ABCA13: variants seen among roughly 807,000 people sequenced by gnomAD.
ABCA13 encodes the protein ATP-binding cassette sub-family A member 13.
ABCA13 carries 476 observed loss-of-function variants against 478.7 expected under a neutral mutation model. The ratio of observed to expected loss-of-function variants is 0.99; its 90% confidence interval spans 0.92 to 1.07. ABCA13 has a LOEUF of 1.07. Ranked by LOEUF, ABCA13 falls within the 50% of genes least tolerant of loss-of-function variation. The pLI is 0.00. For synonymous variants in ABCA13, 2,252 were observed against 2,158.9 expected, an observed-to-expected ratio of 1.04 and a Z score of -1.20; for missense variants, 6,060 against 5,910.6, an observed-to-expected ratio of 1.03 and a Z score of -0.83.
intron 55 of ABCA13, among the ~76,000 whole-genome samples, chr7:48,543,916 A>G (rs1013876987): frequency 4.0e-5 from 6 of 151,876 alleles, no homozygotes; most frequent in African/African-American, 1.4e-4. Context: ...TACTTGGGCT[A>G]ATAATTTTCC....
rs1833574478 is a variant in ABCA13, at chr7:48,536,272, A to G, written c.14354+7927A>G. Among the ~76,000 whole-genome samples the G allele has an allele frequency of 2.0e-5, 3 of 152,348 alleles. No individual in the cohort carries two copies. In the South Asian group the frequency reaches 6.2e-4, roughly 32 times the overall value. ...TTCTATTTATGAAATGATGGATTGAAAATTATCTACAAATTTTCATCTAAT... is the reference window on the plus strand; with the variant it reads ...TTCTATTTATGAAATGATGGATTGAGAATTATCTACAAATTTTCATCTAAT... On this transcript the variant is annotated intron_variant, in intron 55 of 61. Transcript: ENST00000435803.
intron 27 of ABCA13, among the ~76,000 whole-genome samples, chr7:48,326,811 C>T (rs1804397292): frequency 6.6e-6 from 1 of 152,152 alleles, no homozygotes; most frequent in African/African-American, 2.4e-5. Context: ...GATGTGGAGT[C>T]CCAGTGACAA....
Position 48,403,781 on chromosome 7 carries a change from T to G in ABCA13, c.11972T>G (p.Met3991Arg). 6.2e-7 allele frequency: 1 copy of G among 1,614,020 alleles called. No homozygotes were observed. The highest frequency in any genetic ancestry group is 8.5e-7 in the Non-Finnish European group (1 of 1,179,884). Residue 3991 changes from methionine (M) to arginine (R), a missense_variant, in exon 39 of 62, where the codon ATG becomes AGG. Physicochemically the swap from Met to Arg is moderately conservative, Grantham distance 91. This residue lies in a region of ABCA13 where 1,627 missense variants were observed against 1,571.0 expected (regional missense o/e 1.04). Transcript: ENST00000435803. ...KRKLSLGIAF[M>R]GMSRTVVLDE... ...AAGCTCTCCCTTGGCATTGCTTTCA[T>G]GGGCATGTCGAGGACCGTGGTTCTG...
chr7:48,239,511 C>T, intron 9 of ABCA13, 106 bp downstream of exon 9: 1 of 1,352,962 alleles, frequency 7.4e-7, no homozygotes, highest in Non-Finnish European at 9.8e-7. Context: ...TTTTATGTCC[C>T]TCCAAGGAAA....
chr7:48,447,830 GCTCCA>G (rs1166247030), intron 42 of ABCA13, among the ~76,000 whole-genome samples: 1 of 152,122 alleles, frequency 6.6e-6, no homozygotes, highest in Non-Finnish European at 1.5e-5. Flanking sequence ...TTTAAATTAA[GCTCCA>G]CTCTTTCTGG....
chr7:48,595,875 C>T (rs1446831339), intron 58 of ABCA13, among the ~76,000 whole-genome samples: 5 of 152,102 alleles, frequency 3.3e-5, no homozygotes, highest in Non-Finnish European at 5.9e-5. Context: ...TGGCAAGACA[C>T]GTAGGAACAC....
At position 48,278,070 on chromosome 7, in the gene ABCA13, G is replaced by GTATATA. The variant is rs59259655; in HGVS notation, c.6900-12_6900-7dup. 6.5e-3 allele frequency: 5,001 copies of GTATATA among 767,698 alleles called. 22 individuals carry two copies. The highest frequency in any genetic ancestry group is 0.026 in the African/African-American group (1,403 of 53,944). The allele number at this position is 767,698 out of a possible 1,614,324, so 47.6% of individuals were successfully genotyped here. The stretch of plus-strand genomic sequence containing the variant: ...TAATGTATTAAAAATTAAATTAAAA[G>GTATATA]TATATATATATATATATTTACAGTT... On this transcript the variant is annotated intron_variant, in intron 17 of 61. Coordinates refer to ENST00000435803, the MANE Select transcript of ABCA13 (RefSeq NM_152701.5).
In ABCA13 at chr7:48,207,173, C is replaced by T. The variant is rs552998830; in HGVS notation, c.287+8813C>T. On this transcript the variant is annotated intron_variant, in intron 3 of 61. Coordinates refer to ENST00000435803, the MANE Select transcript of ABCA13 (RefSeq NM_152701.5). Reference sequence around the variant, plus strand: ...TTCTTTTTTATGGCTGAATAATATACGTACTACATTTTCTTTATCCATTTA... The same window carrying T: ...TTCTTTTTTATGGCTGAATAATATATGTACTACATTTTCTTTATCCATTTA... Among the ~76,000 whole-genome samples the T allele has an allele frequency of 1.1e-4, 16 of 152,154 alleles. No individual in the cohort carries two copies. The South Asian group carries it at 1.2e-3, about 12-fold the overall frequency.
intron 51 of ABCA13, among the ~76,000 whole-genome samples, chr7:48,513,647 G>C (rs1432798880): frequency 1.3e-5 from 2 of 152,196 alleles, no homozygotes; most frequent in African/African-American, 4.8e-5. Context: ...GTTGTGAACA[G>C]TAGGCCAGTC....
At chr7:48,645,355 A>C in intron 61 of ABCA13, 62 bp from the exon 62 acceptor site, 1 of 1,331,408 alleles carries the variant, frequency 7.5e-7, no homozygotes. Context: ...TCTCCTTTCT[A>C]ATAAGTGAGA....
intron 20 of ABCA13, among the ~76,000 whole-genome samples, chr7:48,293,873 G>A (rs1246788651): frequency 6.6e-6 from 1 of 152,100 alleles, no homozygotes; most frequent in Non-Finnish European, 1.5e-5. Flanking sequence ...CCTACTTCTG[G>A]AGTCTTTCCA....
At chr7:48,210,530 GTTGT>G (rs1485919121) in intron 3 of ABCA13, among the ~76,000 whole-genome samples, 1 of 151,710 alleles carries the variant, frequency 6.6e-6, no homozygotes, top group Non-Finnish European at 1.5e-5. Context: ...GTTTTGGTAC[GTTGT>G]TTTTCTATTT....
chr7:48,418,246 T>C (rs1047475357), intron 41 of ABCA13, among the ~76,000 whole-genome samples: 2 of 152,248 alleles, frequency 1.3e-5, no homozygotes, highest in African/African-American at 4.8e-5. Context: ...TCTTTAGTTT[T>C]GTAAGAAACT....
Position 48,241,003 on chromosome 7 carries a change from T to G in ABCA13, c.1199T>G (p.Leu400Arg). The G allele has an allele frequency of 6.2e-7, 1 of 1,614,062 alleles. No homozygotes were observed. The highest frequency in any genetic ancestry group is 8.5e-7 in the Non-Finnish European group (1 of 1,179,890). The change falls in exon 10 of 62, where the codon CTG becomes CGG. Residue 400 changes from leucine to arginine, a missense_variant. By Grantham distance (102) the Leu-to-Arg change is moderately radical. Around this residue, in one of 3 missense-constraint regions of ABCA13, gnomAD observed 4,423 missense variants for 4,309.1 expected, o/e 1.03. Coordinates refer to ENST00000435803, the MANE Select transcript of ABCA13 (RefSeq NM_152701.5). ...WKVVEALHTA[L>R]LLLNDSLSAD... is the part of the protein sequence containing the mutation. ...GTGGTGGAAGCTCTGCACACTGCAC[T>G]GCTCCTGCTGAATGACAGCTTGTCA...
chr7:48,289,962 T>G (rs1300336291), intron 20 of ABCA13, among the ~76,000 whole-genome samples: 2 of 152,218 alleles, frequency 1.3e-5, no homozygotes, highest in Non-Finnish European at 2.9e-5. Context: ...CTGTGGGATA[T>G]GAAGTCGCCA....
rs145273492 is a variant in ABCA13, at chr7:48,436,492, C to T, written c.12565+8621C>T. On this transcript the variant is annotated intron_variant, in intron 42 of 61. Coordinates refer to ENST00000435803, the MANE Select transcript of ABCA13 (RefSeq NM_152701.5). ...AATTATTGACTTCATTGATTTTTCCCTATTGTTTTTCAACTTTGTATTTTA... is the reference window on the plus strand; with the variant it reads ...AATTATTGACTTCATTGATTTTTCCTTATTGTTTTTCAACTTTGTATTTTA... 9.9e-5 allele frequency among the ~76,000 whole-genome samples: 15 copies of T among 151,634 alleles called. No individual in the cohort carries two copies. The East Asian group carries it at 2.9e-3, about 29-fold the overall frequency.
At chr7:48,252,877 T>G (rs889437565) in intron 15 of ABCA13, among the ~76,000 whole-genome samples, 16 of 152,206 alleles carry the variant, frequency 1.1e-4, no homozygotes, top group Admixed American at 4.6e-4. Flanking sequence ...TTGGTATGTC[T>G]TGATACGTTC....
intron 45 of ABCA13, among the ~76,000 whole-genome samples, chr7:48,474,453 G>A (rs1827859249): frequency 6.6e-6 from 1 of 152,164 alleles, no homozygotes; most frequent in African/African-American, 2.4e-5. Context: ...CGAAAGTCAG[G>A]CATTATCTTG....
intron 3 of ABCA13, among the ~76,000 whole-genome samples, chr7:48,205,450 C>G (rs773193665): frequency 8.5e-5 from 13 of 152,154 alleles, no homozygotes; most frequent in Non-Finnish European, 1.9e-4. Flanking sequence ...CTGGCTTCTC[C>G]AACTTGTTAT....
Sources: allele counts gnomAD v4.1 joint callset (sites outside exome capture counted in the v4.1 genomes callset), GRCh38; gene constraint gnomAD v4.1.1; regional missense constraint gnomAD v4.1.1; transcripts MANE v1.5; gene names NCBI Gene and HGNC (gene_info 2026-07-23, HGNC 2026-07-21).